Variants in CD22 observed in about 807,000 individuals in gnomAD.
CD22 encodes the protein CD22 molecule.
In CD22, 51 loss-of-function variants were observed where a neutral mutation model predicts 94.7. That is an observed-to-expected ratio of 0.54 (90% CI 0.43 to 0.68). CD22 has a LOEUF of 0.68. CD22 is among the 30% of genes least tolerant of loss of function. The pLI is 0.00. For synonymous variants in CD22, 424 were observed against 422.5 expected, an observed-to-expected ratio of 1.00 and a Z score of -0.04; for missense variants, 931 against 1,060.4, an observed-to-expected ratio of 0.88 and a Z score of 1.69.
intron 1 of CD22, chr19:35,329,796 T>A (rs2066620554): frequency 6.4e-6 from 1 of 155,480 alleles, no homozygotes; most frequent in Non-Finnish European, 1.4e-5. Context: ...AAGTGTTGGC[T>A]GCAGGGAACG....
In CD22 at chr19:35,341,679, C is replaced by T; in HGVS notation, c.1772-23C>T. 6.2e-7 allele frequency: 1 copy of T among 1,606,876 alleles called. No individual in the cohort carries two copies. The highest frequency in any genetic ancestry group is 8.5e-7 in the Non-Finnish European group (1 of 1,176,530). On this transcript the variant is annotated intron_variant, in intron 8 of 13. Coordinates refer to ENST00000085219, the MANE Select transcript of CD22 (RefSeq NM_001771.4). This position sits in a 1 kb window ranked among gnomAD's most constrained non-coding sequence, Gnocchi z 4.0. Reference sequence around the variant, plus strand: ...GCCTGCCTGGTAGTGACTTCGCACCCCCTCCCCCTGCCCGCCATGCAGATG... The same window carrying T: ...GCCTGCCTGGTAGTGACTTCGCACCTCCTCCCCCTGCCCGCCATGCAGATG...
rs1258852415 is a variant in CD22 at position 35,336,239 on chromosome 19, T to C, written c.616T>C (p.Phe206Leu). 1 of 1,614,212 alleles carries C rather than the reference T, an allele frequency of 6.2e-7. No homozygotes were observed. Among genetic ancestry groups the C allele is most frequent in the East Asian group, 2.2e-5 (1 of 44,874 alleles). Residue 206 changes from phenylalanine to leucine, a missense_variant, in exon 4 of 14, where the codon TTC (phenylalanine) becomes CTC (leucine). Physicochemically the swap from Phe to Leu is conservative, Grantham distance 22 (BLOSUM62 0). Coordinates refer to ENST00000085219, the MANE Select transcript of CD22 (RefSeq NM_001771.4). Reference sequence around the variant, plus strand: ...TGTCTTCACCCGGAGCGAGCTCAAGTTCTCCCCACAGTGGAGTCACCATGG... The same window carrying C: ...TGTCTTCACCCGGAGCGAGCTCAAGCTCTCCCCACAGTGGAGTCACCATGG... Reference protein sequence around the residue: ...KSVFTRSELKFSPQWSHHGKI... With the variant: ...KSVFTRSELKLSPQWSHHGKI...
chr19:35,343,464 T>C (rs889783887), intron 9 of CD22, among the ~76,000 whole-genome samples: 11 of 152,210 alleles, frequency 7.2e-5, no homozygotes, highest in African/African-American at 2.7e-4. Flanking sequence ...GGTCTGTGCC[T>C]ATATACCCTT....
intron 9 of CD22, 71 bp downstream of exon 9, chr19:35,342,036 TCC>T: frequency 9.1e-6 from 10 of 1,096,520 alleles, no homozygotes; most frequent in South Asian, 1.7e-5. Context: ...CTTCCTTCCT[TCC>T]TTCCTTCCTT....
At chr19:35,338,486 G>C in intron 6 of CD22, 55 bp downstream of exon 6, 1 of 1,566,078 alleles carries the variant, frequency 6.4e-7, no homozygotes, top group Non-Finnish European at 8.7e-7. Context: ...ACAGGGAACG[G>C]GGAAGGCAGA....
rs373673656 is a variant in CD22 at position 35,346,561 on chromosome 19, C to T, written c.2413-5C>T. On this transcript the variant is annotated splice_region_variant and splice_polypyrimidine_tract_variant and intron_variant, in intron 13 of 13. Transcript: ENST00000085219. ...GCCAGGCTAACCACCATGCGGTTTT[C>T]TCAGGGCGACTATGAGAACGTCATT... 32 of 1,597,138 alleles carry T rather than the reference C, an allele frequency of 2.0e-5. No individual in the cohort carries two copies. In the African/African-American group the frequency reaches 4.0e-4, roughly 20 times the overall value.
Position 35,341,551 on chromosome 19 carries a change from G to C in CD22, c.1716G>C (p.Trp572Cys), listed in dbSNP as rs1319177486. The C allele has an allele frequency of 6.2e-7, 1 of 1,614,106 alleles. No individual in the cohort carries two copies. The highest frequency in any genetic ancestry group is 8.5e-7 in the Non-Finnish European group (1 of 1,180,014). The change falls in exon 8 of 14, where the codon TGG becomes TGC. Residue 572 changes from tryptophan (W) to cysteine (C), a missense_variant. Transcript: ENST00000085219. This position sits in a 1 kb window ranked among gnomAD's most constrained non-coding sequence, Gnocchi z 4.0. Reference protein sequence around the residue: ...SPEDAGSYSCWVNNSIGQTAS... With the variant: ...SPEDAGSYSCCVNNSIGQTAS... ...AAGATGCTGGGAGTTACAGCTGCTG[G>C]GTGAACAACTCCATAGGACAGACAG...
chr19:35,332,944 G>A lies in CD22; in HGVS notation c.412+20G>A. ...TCTCTGGTAAGGCCTTCGGGGAGCG[G>A]GTCCTCTGCTCTGGGCAGGGGTGAG... On this transcript the variant is annotated intron_variant, in intron 3 of 13. Transcript: ENST00000085219. The A allele has an allele frequency of 6.2e-7, 1 of 1,608,104 alleles. No individual in the cohort carries two copies. The highest frequency in any genetic ancestry group is 1.7e-4 in the Middle Eastern group (1 of 5,986).
chr19:35,342,029 CCTTCCTTCCTTCCTTCCTTCCTTCCTTT>C (rs1236762131), intron 9 of CD22, 64 bp downstream of exon 9: 37 of 1,085,654 alleles, frequency 3.4e-5, no homozygotes, highest in East Asian at 1.5e-4. Flanking sequence ...TTCCTTCCTT[CCTTCCTTCCTTCCTTCCTTCCTTCCTTT>C]CTTTCTCTCT....
intron 1 of CD22, chr19:35,331,791 G>A (rs2066648552): frequency 4.1e-6 from 3 of 729,342 alleles, no homozygotes; most frequent in South Asian, 2.1e-5. Context: ...AGGTTGCAGT[G>A]AGCGGAGATC....
At position 35,346,841 on chromosome 19, in the gene CD22, C is replaced by T. The variant is rs35742979; in HGVS notation, c.*144C>T. On this transcript the variant is annotated 3_prime_UTR_variant, in exon 14 of 14. Coordinates refer to ENST00000085219, the MANE Select transcript of CD22 (RefSeq NM_001771.4). Reference sequence around the variant, plus strand: ...ACGCACACACACACACACACACTCACTGCGGAGAACCTTGTGCCTGGCTCA... The same window carrying T: ...ACGCACACACACACACACACACTCATTGCGGAGAACCTTGTGCCTGGCTCA... The T allele has an allele frequency of 1.2e-6, 1 of 824,484 alleles. No homozygotes were observed. The allele number at this position is 824,484 out of a possible 1,614,324, so 51.1% of individuals were successfully genotyped here.
At position 35,341,005 on chromosome 19, in the gene CD22, C is replaced by T; in HGVS notation, c.1374C>T (p.Pro458=). The change falls in exon 7 of 14, where the codon CCC becomes CCT. Residue 458 remains proline, a synonymous_variant. Coordinates refer to ENST00000085219, the MANE Select transcript of CD22 (RefSeq NM_001771.4). The surrounding 1 kb of genome is among the most constrained non-coding windows in gnomAD (Gnocchi z 4.0). The part of the protein sequence containing the change: ...NPSVTRYEWK[P]HGAWEEPSLG... ...GTGTTACCCGGTATGAATGGAAACC[C>T]CATGGCGCCTGGGAGGAGCCATCGC... The T allele has an allele frequency of 6.2e-7, 1 of 1,614,208 alleles. No homozygotes were observed. The highest frequency in any genetic ancestry group is 8.5e-7 in the Non-Finnish European group (1 of 1,180,040).
chr19:35,343,759 A>G (rs537717805), intron 9 of CD22, among the ~76,000 whole-genome samples: 2 of 152,278 alleles, frequency 1.3e-5, no homozygotes, highest in South Asian at 4.1e-4. Context: ...AATTTTAAAA[A>G]CGAACAAACA....
In CD22 at chr19:35,341,924, T is replaced by TGG. The variant is rs1360713479; in HGVS notation, c.1996_1997dup (p.Lys667AlafsTer67). 6.2e-7 allele frequency: 1 copy of TGG among 1,613,616 alleles called. No homozygotes were observed. Among genetic ancestry groups the TGG allele is most frequent in the Non-Finnish European group, 8.5e-7 (1 of 1,179,948 alleles). On this transcript the variant is annotated frameshift_variant, in exon 9 of 14. Coordinates refer to ENST00000085219, the MANE Select transcript of CD22 (RefSeq NM_001771.4). LOFTEE classifies it high-confidence loss of function. The surrounding 1 kb of genome is among the most constrained non-coding windows in gnomAD (Gnocchi z 4.0). ...TACTGGTGCCAGGGGACCAACAGTG[T>TGG]GGGCAAGGGCCGTTCGCCTCTCAGC...
At position 35,346,790 on chromosome 19, in the gene CD22, G is replaced by A. The variant is rs1032030646; in HGVS notation, c.*93G>A. 49 of 1,146,246 alleles carry A rather than the reference G, an allele frequency of 4.3e-5. No homozygotes were observed. The highest frequency in any genetic ancestry group is 9.1e-5 in the South Asian group (6 of 65,822). 71.0% of individuals were successfully genotyped at this position (1,146,246 alleles called of 1,614,324 possible). On this transcript the variant is annotated 3_prime_UTR_variant, in exon 14 of 14. Transcript: ENST00000085219. ...ACACCGCCACATGGCTTCCTCCTGC[G>A]CGCATGTGCGCACACACACACACAC...
At position 35,337,279 on chromosome 19, in the gene CD22, G is replaced by A. The variant is rs2145659602; in HGVS notation, c.719-476G>A. On this transcript the variant is annotated intron_variant, in intron 4 of 13. Coordinates refer to ENST00000085219, the MANE Select transcript of CD22 (RefSeq NM_001771.4). This position sits in a 1 kb window ranked among gnomAD's most constrained non-coding sequence, Gnocchi z 4.4. ...AGAAGGTGAGCACTTAAGCTGACTGGAACGGAGGGAGTGGCTGAGGCCGGC... is the reference window on the plus strand; with the variant it reads ...AGAAGGTGAGCACTTAAGCTGACTGAAACGGAGGGAGTGGCTGAGGCCGGC... 6.6e-6 allele frequency among the ~76,000 whole-genome samples: 1 copy of A among 152,268 alleles called. No homozygotes were observed. Among genetic ancestry groups the A allele is most frequent in the East Asian group, 1.9e-4 (1 of 5,186 alleles).
At chr19:35,333,035 G>A in intron 3 of CD22, 111 bp downstream of exon 3, 1 of 1,166,430 alleles carries the variant, frequency 8.6e-7, no homozygotes, top group Non-Finnish European at 1.2e-6. Context: ...CAGAGCTCAG[G>A]CAGGGGACGC....
chr19:35,336,702 G>A (rs922233651), intron 4 of CD22: 2 of 271,594 alleles, frequency 7.4e-6, no homozygotes, highest in Non-Finnish European at 1.4e-5. Context: ...TGGGGGGCAT[G>A]GGGCGGTGGG....
rs1247234806 is a variant in CD22, at chr19:35,346,801, C to T, written c.*104C>T. ...TGGCTTCCTCCTGCGCGCATGTGCGCACACACACACACACACGCACACACA... is the reference window on the plus strand; with the variant it reads ...TGGCTTCCTCCTGCGCGCATGTGCGTACACACACACACACACGCACACACA... On this transcript the variant is annotated 3_prime_UTR_variant, in exon 14 of 14. Coordinates refer to ENST00000085219, the MANE Select transcript of CD22 (RefSeq NM_001771.4). 6.4e-6 allele frequency: 4 copies of T among 623,818 alleles called. No homozygotes were observed. Among genetic ancestry groups the T allele is most frequent in the East Asian group, 8.3e-5 (2 of 24,154 alleles). The allele number at this position is 623,818 out of a possible 1,614,324, so 38.6% of individuals were successfully genotyped here.
Sources: gnomAD v4.1 joint callset for allele counts (sites outside exome capture counted in the v4.1 genomes callset) on GRCh38, gnomAD v4.1.1 for gene constraint, Gnocchi (gnomAD v3.1) non-coding constraint, MANE v1.5 for transcripts, NCBI Gene and HGNC (gene_info 2026-07-23, HGNC 2026-07-21) for gene names.